The following SPATA17 variants were observed in gnomAD, a reference collection of about 807,000 sequenced individuals.
The protein encoded by SPATA17 is spermatogenesis-associated protein 17.
Under a neutral mutation model 62.2 loss-of-function variants are expected in SPATA17, and 53 were observed. The ratio of observed to expected loss-of-function variants is 0.85; its 90% CI spans 0.68 to 1.07. The LOEUF is 1.07. Among genes scored for constraint, SPATA17 ranks in the 50% least tolerant of loss-of-function variants. The pLI, the probability that SPATA17 is intolerant of heterozygous loss-of-function variation, is 0.00. For synonymous variants in SPATA17, 146 were observed against 146.8 expected (o/e 0.99, Z 0.04); for missense variants, 466 against 425.5 (o/e 1.10, Z -0.84).
In SPATA17 at chr1:217,768,576, C is replaced by T. The variant is rs191014594; in HGVS notation, c.520-5758C>T. 9.3e-4 allele frequency among the ~76,000 whole-genome samples: 141 copies of T among 151,474 alleles called. 1 individual carries two copies. Among genetic ancestry groups the T allele is most frequent in the African/African-American group, 3.1e-3 (126 of 41,144 alleles). On this transcript the variant is annotated intron_variant, in intron 6 of 10. Transcript: ENST00000366933. ...GCGTGATCTCAGCTCACTGCAACCT[C>T]CACCTCCTGGGTTCAAGCAATTCTC...
At position 217,868,668 on chromosome 1, in the gene SPATA17, T is replaced by A. The variant is rs990691978; in HGVS notation, c.*1649T>A. ...CCAGAAAGTATCTGAGACAATGTTT[T>A]TTTTTTTTTTTTTTTTTTTTTTAAT... On this transcript the variant is annotated 3_prime_UTR_variant, in exon 11 of 11. Transcript: ENST00000366933. 1 of 131,138 alleles carries A rather than the reference T, an allele frequency of 7.6e-6. No homozygotes were observed. The highest frequency in any genetic ancestry group is 1.7e-5 in the Non-Finnish European group (1 of 60,332). The allele number at this position is 131,138 out of a possible 1,614,324, so 8.1% of individuals were successfully genotyped here.
At chr1:217,842,904 T>C (rs1675443261) in intron 9 of SPATA17, among the ~76,000 whole-genome samples, 1 of 152,076 alleles carries the variant, frequency 6.6e-6, no homozygotes, top group South Asian at 2.1e-4. Flanking sequence ...CCTCAGAACA[T>C]GTGCTTAGTG....
intron 8 of SPATA17, among the ~76,000 whole-genome samples, chr1:217,794,460 C>T (rs995904418): frequency 6.6e-6 from 1 of 152,170 alleles, no homozygotes; most frequent in African/African-American, 2.4e-5. Context: ...GACGGAGCTA[C>T]TCACTTTAAA....
chr1:217,809,161 A>AATCC (rs1272841657), intron 9 of SPATA17, among the ~76,000 whole-genome samples: 1 of 152,214 alleles, frequency 6.6e-6, no homozygotes, highest in East Asian at 1.9e-4. Context: ...AAGGGGTAAG[A>AATCC]CATGCTGGAA....
chr1:217,770,936 G>C (rs1369234885), intron 6 of SPATA17, among the ~76,000 whole-genome samples: 2 of 140,014 alleles, frequency 1.4e-5, no homozygotes, highest in East Asian at 4.3e-4. Flanking sequence ...GTCTGAAGGG[G>C]GGAATTCAAG....
intron 9 of SPATA17, among the ~76,000 whole-genome samples, chr1:217,817,767 C>T (rs907680114): frequency 1.4e-4 from 21 of 152,162 alleles, no homozygotes; most frequent in Non-Finnish European, 2.4e-4. Context: ...GTACAATTTT[C>T]TGATCTGCTG....
intron 8 of SPATA17, among the ~76,000 whole-genome samples, chr1:217,790,242 A>G (rs1164991142): frequency 6.6e-6 from 1 of 152,102 alleles, no homozygotes; most frequent in East Asian, 1.9e-4. Flanking sequence ...TCGGGGACCT[A>G]TGGTAAAACG....
chr1:217,769,712 C>T (rs942534339), intron 6 of SPATA17, among the ~76,000 whole-genome samples: 1 of 152,164 alleles, frequency 6.6e-6, no homozygotes, highest in African/African-American at 2.4e-5. Flanking sequence ...TAAAATATTT[C>T]TTTATATAGA....
chr1:217,801,937 A>G (rs191173779), intron 9 of SPATA17, 87 bp downstream of exon 9: 298 of 1,314,114 alleles, frequency 2.3e-4, no homozygotes, highest in Non-Finnish European at 3.0e-4. Flanking sequence ...TATTCTTATT[A>G]CAATTAAGAC....
intron 7 of SPATA17, among the ~76,000 whole-genome samples, chr1:217,777,426 G>T (rs1673620605): frequency 6.6e-6 from 1 of 151,816 alleles, no homozygotes; most frequent in Non-Finnish European, 1.5e-5. Context: ...TTTTGAGATG[G>T]TGTCTCGCTG....
chr1:217,709,032 T>C (rs1671799702), intron 5 of SPATA17, among the ~76,000 whole-genome samples: 1 of 152,132 alleles, frequency 6.6e-6, no homozygotes, highest in Non-Finnish European at 1.5e-5. Flanking sequence ...TGAAGGAACA[T>C]ACTTCAAAAT....
At chr1:217,852,113 T>C (rs924250501) in intron 9 of SPATA17, among the ~76,000 whole-genome samples, 14 of 152,162 alleles carry the variant, frequency 9.2e-5, no homozygotes, top group African/African-American at 3.4e-4. Context: ...TGGAGAACGA[T>C]CACTTTTCCT....
intron 4 of SPATA17, among the ~76,000 whole-genome samples, chr1:217,679,190 A>G (rs1671019761): frequency 6.6e-6 from 1 of 152,166 alleles, no homozygotes; most frequent in African/African-American, 2.4e-5. Flanking sequence ...TAAACTAAAG[A>G]ACACGCATAT....
chr1:217,689,287 G>T (rs1671295196), intron 5 of SPATA17, among the ~76,000 whole-genome samples: 1 of 136,112 alleles, frequency 7.3e-6, no homozygotes, highest in Non-Finnish European at 1.5e-5. Flanking sequence ...GTGCAGTGGT[G>T]CAATGTCGGC....
At chr1:217,734,743 A>G (rs540503792) in intron 5 of SPATA17, among the ~76,000 whole-genome samples, 1 of 152,190 alleles carries the variant, frequency 6.6e-6, no homozygotes, top group Admixed American at 6.6e-5. Context: ...GGATGTAATT[A>G]TTTGTTTCTT....
At chr1:217,774,266 G>A (rs1673531507) in intron 6 of SPATA17, 68 bp from the exon 7 acceptor site, 1 of 1,368,616 alleles carries the variant, frequency 7.3e-7, no homozygotes, top group South Asian at 1.3e-5. Flanking sequence ...AAATTTCATG[G>A]TACAACTCTT....
At position 217,847,610 on chromosome 1, in the gene SPATA17, G is replaced by A. The variant is rs567143524; in HGVS notation, c.1006-15164G>A. ...CTAATTTCCGTTGACTATCTTATCT[G>A]CATTCTAATATGTTTTAGTATCTAG... is the stretch of plus-strand genomic sequence containing the variant. On this transcript the variant is annotated intron_variant, in intron 9 of 10. Coordinates refer to ENST00000366933, the MANE Select transcript of SPATA17 (RefSeq NM_138796.4). Among the ~76,000 whole-genome samples, 7 of 152,202 alleles carry A rather than the reference G, an allele frequency of 4.6e-5. No individual in the cohort carries two copies. In the South Asian group the frequency reaches 1.2e-3, roughly 27 times the overall value.
chr1:217,701,325 A>G (rs901336063), intron 5 of SPATA17, among the ~76,000 whole-genome samples: 7 of 151,126 alleles, frequency 4.6e-5, no homozygotes, highest in Non-Finnish European at 7.4e-5. Flanking sequence ...GTGTATATAT[A>G]TGTGTGTATA....
intron 9 of SPATA17, among the ~76,000 whole-genome samples, chr1:217,833,719 T>A (rs1046811581): frequency 6.6e-6 from 1 of 152,170 alleles, no homozygotes; most frequent in East Asian, 1.9e-4. Context: ...AAATGTCAAA[T>A]TAATAGATAG....
Sources: gnomAD v4.1 joint callset for allele counts (sites outside exome capture counted in the v4.1 genomes callset) on GRCh38, gnomAD v4.1.1 for gene constraint, MANE v1.5 for transcripts, NCBI Gene and HGNC (gene_info 2026-07-23, HGNC 2026-07-21) for gene names.